Variants in NLGN4X observed in about 807,000 individuals in gnomAD.
NLGN4X encodes the protein neuroligin-4, X-linked.
NLGN4X carries 3 observed loss-of-function variants against 40.3 expected under a neutral mutation model. The observed-to-expected ratio is 0.07, with a 90% CI of 0.03 to 0.19. The LOEUF (loss-of-function observed/expected upper bound fraction) is 0.19. NLGN4X is among the 10% of genes least tolerant of loss of function. The pLI, the probability that NLGN4X is intolerant of heterozygous loss-of-function variation, is 1.00. For missense variants in NLGN4X, 382 were observed against 708.3 expected (o/e 0.54, Z 5.23); for synonymous variants, 270 against 306.8 (o/e 0.88, Z 1.25).
chrX:5,917,732 T>C lies in NLGN4X; in HGVS notation c.626-8493A>G, dbSNP rs1201587909. ...AGCCATGCAGTTTAGTTTTGCTTCA[T>C]CTACACATACTAGGAACAAAGAAAT... is the stretch of plus-strand genomic sequence containing the variant. On this transcript the variant is annotated intron_variant, in intron 3 of 5. Transcript: ENST00000381095. Among the ~76,000 whole-genome samples the C allele has an allele frequency of 2.7e-5, 3 of 111,911 alleles. No homozygotes were observed. The East Asian group carries it at 8.5e-4, about 32-fold the overall frequency.
intron 5 of NLGN4X, among the ~76,000 whole-genome samples, chrX:5,896,119 C>G (rs1357023648): frequency 8.9e-6 from 1 of 111,819 alleles, no homozygotes; most frequent in Non-Finnish European, 1.9e-5. Context: ...GCTACCTCAT[C>G]TATTAAGCAG....
chrX:6,027,650 AG>A (rs1329112712), intron 3 of NLGN4X, among the ~76,000 whole-genome samples: 1 of 99,414 alleles, frequency 1.0e-5, no homozygotes, highest in Non-Finnish European at 2.1e-5. Context: ...GTTTTCACAT[AG>A]GAAAAAAAAA....
In NLGN4X at chrX:5,890,644, T is replaced by C. The variant is rs780412939; in HGVS notation, c.*2173A>G. The C allele has an allele frequency of 9.8e-5, 32 of 325,615 alleles. No homozygotes were observed. The highest frequency in any genetic ancestry group is 1.6e-4 in the Non-Finnish European group (27 of 169,149). 26.8% of individuals were successfully genotyped at this position (325,615 alleles called of 1,213,427 possible). On this transcript the variant is annotated 3_prime_UTR_variant, in exon 6 of 6. Transcript: ENST00000381095. ...ATTGCTTGCAGAAATGGCCTGATCA[T>C]AGCTCTATGAAACAATGAATTCGGA...
intron 1 of NLGN4X, among the ~76,000 whole-genome samples, chrX:6,193,480 T>C (rs1338219617): frequency 1.4e-5 from 1 of 72,948 alleles, no homozygotes; most frequent in African/African-American, 6.9e-5. Flanking sequence ...TCTTAGCACA[T>C]TGTTCCCTAT....
chrX:6,105,093 C>G (rs763995302), intron 2 of NLGN4X, among the ~76,000 whole-genome samples: 5 of 108,981 alleles, frequency 4.6e-5, no homozygotes, highest in Non-Finnish European at 9.5e-5. Flanking sequence ...TGGAGTCCCA[C>G]TCCGTCTCCC....
chrX:6,161,397 A>AATATAGGATATAAAATG (rs2040395326), intron 1 of NLGN4X, among the ~76,000 whole-genome samples: 1 of 40,766 alleles, frequency 2.5e-5, no homozygotes, highest in African/African-American at 1.0e-4. Context: ...GATATAAAAT[A>AATATAGGATATAAAATG]TATTATTCTA....
intron 3 of NLGN4X, among the ~76,000 whole-genome samples, chrX:6,027,674 A>G (rs141946018): frequency 1.1e-3 from 126 of 110,248 alleles, no homozygotes; most frequent in African/African-American, 4.0e-3. Flanking sequence ...CCCACTCAAA[A>G]TGAAATGAAG....
chrX:5,912,309 G>C (rs2032516275), intron 3 of NLGN4X, among the ~76,000 whole-genome samples: 1 of 110,931 alleles, frequency 9.0e-6, no homozygotes, highest in Admixed American at 9.6e-5. Flanking sequence ...GGTGCACCAG[G>C]GCTGTTTTCC....
At chrX:5,938,673 G>A (rs184950461) in intron 3 of NLGN4X, among the ~76,000 whole-genome samples, 40 of 110,930 alleles carry the variant, frequency 3.6e-4, no homozygotes, top group South Asian at 2.3e-3. Flanking sequence ...AGTTTAAAGC[G>A]TTCAATTCTG....
chrX:6,094,011 G>A (rs755055914), intron 2 of NLGN4X, among the ~76,000 whole-genome samples: 3 of 111,809 alleles, frequency 2.7e-5, no homozygotes, highest in Non-Finnish European at 3.8e-5. Flanking sequence ...GCCATAAACA[G>A]TTAACCGATG....
chrX:6,160,854 A>G (rs1344893026), intron 1 of NLGN4X, among the ~76,000 whole-genome samples: 1 of 102,163 alleles, frequency 9.8e-6, no homozygotes, highest in Non-Finnish European at 2.0e-5. Flanking sequence ...ACGTATAGAT[A>G]TCTTCAAACT....
intron 2 of NLGN4X, among the ~76,000 whole-genome samples, chrX:6,035,220 C>T (rs1029147231): frequency 8.9e-6 from 1 of 111,907 alleles, no homozygotes; most frequent in African/African-American, 3.2e-5. Flanking sequence ...CAAATCTCCT[C>T]TCCCAGTTTA....
At chrX:6,174,469 G>A (rs1480345084) in intron 1 of NLGN4X, among the ~76,000 whole-genome samples, 1 of 111,800 alleles carries the variant, frequency 8.9e-6, no homozygotes, top group Non-Finnish European at 1.9e-5. Flanking sequence ...CTACAAAAAA[G>A]ACGCATGCAT....
At chrX:6,151,904 T>C (rs149569882) in intron 1 of NLGN4X, 133 bp from the exon 2 acceptor site, 16 of 176,252 alleles carry the variant, frequency 9.1e-5, no homozygotes, top group African/African-American at 4.8e-4. Context: ...ATGTGTATAG[T>C]GCCATCTCCA....
intron 1 of NLGN4X, among the ~76,000 whole-genome samples, chrX:6,197,443 G>GTTTTTTTTTTTTTTTT (rs1602407338): frequency 2.4e-5 from 2 of 82,597 alleles, no homozygotes; most frequent in Non-Finnish European, 4.8e-5. Context: ...TTTTTTTTTT[G>GTTTTTTTTTTTTTTTT]TATTTTTTAT....
chrX:6,094,666 A>G (rs2038718178), intron 2 of NLGN4X, among the ~76,000 whole-genome samples: 1 of 111,494 alleles, frequency 9.0e-6, no homozygotes, highest in African/African-American at 3.3e-5. Context: ...TAGACAGGGT[A>G]TGCATTGCAT....
intron 1 of NLGN4X, among the ~76,000 whole-genome samples, chrX:6,152,748 T>C: frequency 8.9e-6 from 1 of 112,461 alleles, no homozygotes; most frequent in South Asian, 3.7e-4. Context: ...TAGTGCTAGT[T>C]TCTTGAAGAC....
Position 5,984,314 on chromosome X carries a change from T to C in NLGN4X, c.625+44966A>G, listed in dbSNP as rs919317966. Among the ~76,000 whole-genome samples, 7 of 109,309 alleles carry C rather than the reference T, an allele frequency of 6.4e-5. 1 individual carries two copies. The South Asian group carries it at 1.6e-3, about 24-fold the overall frequency. The allele number at this position is 109,309 out of a possible 115,157, so 94.9% of individuals were successfully genotyped here. ...ACAGTAGAAAAGAGAATTAATGAAA[T>C]AGATTATAGGTCTTGAGAAAAAGTA... On this transcript the variant is annotated intron_variant, in intron 3 of 5. Coordinates refer to ENST00000381095, the MANE Select transcript of NLGN4X (RefSeq NM_181332.3).
Position 6,029,413 on chromosome X carries a change from A to T in NLGN4X, c.492T>A (p.Ser164Arg). 8.3e-7 allele frequency: 1 copy of T among 1,211,175 alleles called. No individual in the cohort carries two copies. The highest frequency in any genetic ancestry group is 1.1e-6 in the Non-Finnish European group (1 of 895,083). Residue 164 changes from serine (S) to arginine (R), a missense_variant, in exon 3 of 6, where the codon AGT becomes AGA. Ser to Arg is a moderately radical substitution (Grantham distance 110). Transcript: ENST00000381095. ...PTEDDIHDQN[S>R]KKPVMVYIHG... Reference sequence around the variant, plus strand: ...GGATATAGACCATGACGGGCTTCTTACTGTTCTGATCATGAATATCTGGAA... The same window carrying T: ...GGATATAGACCATGACGGGCTTCTTTCTGTTCTGATCATGAATATCTGGAA...
Sources: allele counts gnomAD v4.1 joint callset (sites outside exome capture counted in the v4.1 genomes callset), GRCh38; gene constraint gnomAD v4.1.1; transcripts MANE v1.5; gene names NCBI Gene and HGNC (gene_info 2026-07-23, HGNC 2026-07-21).